Variants in THAP9 observed in about 807,000 individuals in gnomAD.
THAP9 encodes the protein THAP domain containing 9.
In THAP9, 20 loss-of-function variants were observed where a neutral mutation model predicts 35.7. That is an observed-to-expected ratio of 0.56 (90% confidence interval 0.39 to 0.81). The LOEUF (loss-of-function observed/expected upper bound fraction) is 0.81. THAP9 is among the 40% of genes least tolerant of loss of function. The probability of loss-of-function intolerance (pLI) is 0.00; values close to 1 mark genes in which losing one functional copy is unlikely to be tolerated. For missense variants in THAP9, 870 were observed against 1,047.4 expected, an observed-to-expected ratio of 0.83 and a Z score of 2.34; for synonymous variants, 335 against 373.7, an observed-to-expected ratio of 0.90 and a Z score of 1.19.
chr4:82,905,773 A>G, intron 2 of THAP9: 1 of 428,722 alleles, frequency 2.3e-6, no homozygotes, highest in Non-Finnish European at 4.6e-6. Flanking sequence ...TGAGAGCTAC[A>G]ATGGTCCAGG....
Position 82,918,365 on chromosome 4 carries a change from A to T in THAP9, c.2153A>T (p.Tyr718Phe), listed in dbSNP as rs1721118889. The T allele has an allele frequency of 5.6e-6, 9 of 1,614,162 alleles. No individual in the cohort carries two copies. In the East Asian group the frequency reaches 2.0e-4, roughly 36 times the overall value. ...LSDHRRNLIC[Y>F]AGYVANKLSA... ...GATCATAGGCGAAATCTCATCTGTT[A>T]TGCTGGTTATGTTGCAAACAAGTTA... The change falls in exon 5 of 5, where the codon TAT becomes TTT. Residue 718 changes from tyrosine (Y) to phenylalanine (F), a missense_variant. Around this residue, in one of 3 missense-constraint regions of THAP9, gnomAD observed 414 missense variants for 500.8 expected, o/e 0.83. Coordinates refer to ENST00000302236, the MANE Select transcript of THAP9 (RefSeq NM_024672.6).
intron 2 of THAP9, 82 bp from the exon 3 acceptor site, chr4:82,906,242 G>A: frequency 4.2e-6 from 5 of 1,177,216 alleles, no homozygotes; most frequent in Non-Finnish European, 5.9e-6. Context: ...CCAGATTAGT[G>A]CTTTGTATTT....
At chr4:82,909,598 C>T (rs577200752) in intron 4 of THAP9, among the ~76,000 whole-genome samples, 161 of 151,982 alleles carry the variant, frequency 1.1e-3, no homozygotes, top group Non-Finnish European at 1.7e-3. Context: ...GTAGTCCTAC[C>T]CTACTTAACT....
rs1165438837 is a variant in THAP9, at chr4:82,918,407, G to A, written c.2195G>A (p.Cys732Tyr). Residue 732 changes from cysteine (C) to tyrosine (Y), a missense_variant, in exon 5 of 5, where the codon TGT becomes TAT. Around this residue, in one of 3 missense-constraint regions of THAP9, gnomAD observed 414 missense variants for 500.8 expected, o/e 0.83. Coordinates refer to ENST00000302236, the MANE Select transcript of THAP9 (RefSeq NM_024672.6). ...VANKLSALLT[C>Y]EDCITALYAS... is the part of the protein sequence containing the mutation. ...AACAAGTTATCAGCTCTTTTAACTTGTGAGGACTGCATCACTGCACTGTAT... is the reference window on the plus strand; with the variant it reads ...AACAAGTTATCAGCTCTTTTAACTTATGAGGACTGCATCACTGCACTGTAT... 1.9e-6 allele frequency: 3 copies of A among 1,614,048 alleles called. No homozygotes were observed. The highest frequency in any genetic ancestry group is 2.5e-6 in the Non-Finnish European group (3 of 1,179,994).
chr4:82,916,346 A>G (rs556960574), intron 4 of THAP9, among the ~76,000 whole-genome samples: 1 of 152,340 alleles, frequency 6.6e-6, no homozygotes, highest in South Asian at 2.1e-4. Flanking sequence ...CTCCTAAGAT[A>G]GTAGCACAGG....
Position 82,900,746 on chromosome 4 carries a change from G to T in THAP9, c.-57G>T. ...CAGAGTCAACGGGCGGAGCTAAAGT[G>T]GTCGTGATTCATGCTGTCGCGGGAA... is the stretch of plus-strand genomic sequence containing the variant. On this transcript the variant is annotated 5_prime_UTR_variant, in exon 1 of 5. Transcript: ENST00000302236. 6.3e-7 allele frequency: 1 copy of T among 1,581,434 alleles called. No homozygotes were observed. Among genetic ancestry groups the T allele is most frequent in the South Asian group, 1.1e-5 (1 of 90,272 alleles).
At chr4:82,916,449 G>C (rs1270745017) in intron 4 of THAP9, among the ~76,000 whole-genome samples, 1 of 152,156 alleles carries the variant, frequency 6.6e-6, no homozygotes, top group East Asian at 1.9e-4. Flanking sequence ...CTAAACTCCT[G>C]GGCATCAGGA....
intron 4 of THAP9, 106 bp from the exon 5 acceptor site, chr4:82,916,838 C>A: frequency 1.0e-6 from 1 of 962,556 alleles, no homozygotes; most frequent in Non-Finnish European, 1.4e-6. Context: ...ATATACTTGG[C>A]TTTATTTCTA....
chr4:82,910,583 C>T (rs1012007094), intron 4 of THAP9: 42 of 291,416 alleles, frequency 1.4e-4, no homozygotes, highest in Middle Eastern at 1.4e-3. Flanking sequence ...ATGGTATATA[C>T]GTTTCCATTT....
chr4:82,918,676 T>C lies in THAP9; in HGVS notation c.2464T>C (p.Phe822Leu). 6.2e-7 allele frequency: 1 copy of C among 1,614,020 alleles called. No individual in the cohort carries two copies. Among genetic ancestry groups the C allele is most frequent in the Non-Finnish European group, 8.5e-7 (1 of 1,179,906 alleles). Residue 822 changes from phenylalanine (F) to leucine (L), a missense_variant, in exon 5 of 5, where the codon TTT becomes CTT. By Grantham distance (22) the Phe-to-Leu change is conservative. Transcript: ENST00000302236. ...TTTTGTAGATGTGAATAAGCATCTC[T>C]TTGATGGAGAAGTGTGTGCCATCAA... Reference protein sequence around the residue: ...NLFVDVNKHLFDGEVCAINHF... With the variant: ...NLFVDVNKHLLDGEVCAINHF...
chr4:82,907,673 C>A, intron 3 of THAP9, 112 bp from the exon 4 acceptor site: 1 of 796,838 alleles, frequency 1.3e-6, no homozygotes, highest in Non-Finnish European at 1.9e-6. Context: ...CAAAATGCAA[C>A]TATATTTGTA....
At chr4:82,912,016 A>G (rs567653725) in intron 4 of THAP9, among the ~76,000 whole-genome samples, 4 of 152,302 alleles carry the variant, frequency 2.6e-5, no homozygotes, top group East Asian at 1.9e-4. Context: ...CTAATTGTCT[A>G]TATCTTTCTC....
At chr4:82,909,066 C>G (rs1041342036) in intron 4 of THAP9, among the ~76,000 whole-genome samples, 2 of 151,814 alleles carry the variant, frequency 1.3e-5, no homozygotes, top group Non-Finnish European at 2.9e-5. Context: ...ACCACCATAC[C>G]CGGCTAATTT....
At chr4:82,904,690 A>G (rs112075994) in intron 1 of THAP9, 46 bp from the exon 2 acceptor site, 1 of 1,549,442 alleles carries the variant, frequency 6.5e-7, no homozygotes, top group Non-Finnish European at 8.9e-7. Flanking sequence ...CTGTAATAGT[A>G]CTATAATGTT....
At chr4:82,910,654 A>G (rs1720835563) in intron 4 of THAP9, 2 of 522,598 alleles carry the variant, frequency 3.8e-6, no homozygotes, top group South Asian at 2.3e-5. Flanking sequence ...GATCTTTATA[A>G]TCATTATATT....
At chr4:82,908,412 ATGCC>A (rs553157953) in intron 4 of THAP9, among the ~76,000 whole-genome samples, 236 of 152,346 alleles carry the variant, frequency 1.5e-3, no homozygotes, top group African/African-American at 5.5e-3. Flanking sequence ...ACTGCAGTTG[ATGCC>A]AATTAGGTTG....
chr4:82,917,844 C>G lies in THAP9; in HGVS notation c.1632C>G (p.Asn544Lys), dbSNP rs1462328365. Residue 544 changes from asparagine to lysine, a missense_variant, in exon 5 of 5, where the codon AAC becomes AAG. Asn to Lys is a moderately conservative substitution (Grantham distance 94). Around this residue, in one of 3 missense-constraint regions of THAP9, gnomAD observed 414 missense variants for 500.8 expected, o/e 0.83. Transcript: ENST00000302236. The stretch of plus-strand genomic sequence containing the variant: ...TGCCTGAAACTTACAGTAAAATAAA[C>G]CACGTGTTAATTGAAGCCAAGACTA... ...PLLPETYSKI[N>K]HVLIEAKTIF... 6.2e-6 allele frequency: 10 copies of G among 1,613,248 alleles called. No homozygotes were observed. Among genetic ancestry groups the G allele is most frequent in the Non-Finnish European group, 7.6e-6 (9 of 1,179,920 alleles).
chr4:82,909,510 C>G (rs964950379), intron 4 of THAP9, among the ~76,000 whole-genome samples: 2 of 151,568 alleles, frequency 1.3e-5, no homozygotes, highest in Non-Finnish European at 2.9e-5. Context: ...CCTTTTATTA[C>G]TTTATTATGT....
rs1720789459 is a variant in THAP9 at position 82,909,542 on chromosome 4, AT to A, written c.731+1611del. On this transcript the variant is annotated intron_variant, in intron 4 of 4. Coordinates refer to ENST00000302236, the MANE Select transcript of THAP9 (RefSeq NM_024672.6). ...ATGTATGCCTTTTATCTGTAACGTTATTTTGAACTCTTTATAGACAAGTTTT... is the reference window on the plus strand; with the variant it reads ...ATGTATGCCTTTTATCTGTAACGTTATTTGAACTCTTTATAGACAAGTTTT... 1.3e-5 allele frequency among the ~76,000 whole-genome samples: 2 copies of A among 151,890 alleles called. 1 individual carries two copies. Among genetic ancestry groups the A allele is most frequent in the South Asian group, 4.1e-4 (2 of 4,824 alleles).
Sources: allele counts gnomAD v4.1 joint callset (sites outside exome capture counted in the v4.1 genomes callset), GRCh38; gene constraint gnomAD v4.1.1; regional missense constraint gnomAD v4.1.1; transcripts MANE v1.5; gene names NCBI Gene and HGNC (gene_info 2026-07-23, HGNC 2026-07-21).